The following HPF1 variants were observed in gnomAD, a reference collection of about 807,000 sequenced individuals.
The protein encoded by HPF1 is UPF0609 protein C4orf27.
A neutral mutation model predicts 38.8 loss-of-function variants in HPF1; 35 were observed. The observed-to-expected ratio is 0.90, with a 90% CI of 0.69 to 1.19. The LOEUF (loss-of-function observed/expected upper bound fraction) is 1.19, where lower values mean the gene tolerates loss of function less well. HPF1 is among the 50% of genes most tolerant of loss of function. The pLI, the probability that HPF1 is intolerant of heterozygous loss-of-function variation, is 0.00. For missense variants in HPF1, 367 were observed against 405.8 expected, an observed-to-expected ratio of 0.90 and a Z score of 0.82; for synonymous variants, 115 against 139.2, an observed-to-expected ratio of 0.83 and a Z score of 1.22.
intron 4 of HPF1, among the ~76,000 whole-genome samples, chr4:169,746,338 T>A (rs1443562897): frequency 6.6e-6 from 1 of 152,210 alleles, no homozygotes; most frequent in East Asian, 1.9e-4. Context: ...GGTATAAATG[T>A]GTACTTCACA....
intron 4 of HPF1, among the ~76,000 whole-genome samples, chr4:169,746,486 T>C (rs1734048762): frequency 6.6e-6 from 1 of 152,170 alleles, no homozygotes; most frequent in Admixed American, 6.5e-5. Context: ...TAAGGGTTCT[T>C]ATACCCTAAC....
In HPF1 at chr4:169,743,409, C is replaced by CTTTT. The variant is rs34941625; in HGVS notation, c.498-1306_498-1303dup. On this transcript the variant is annotated intron_variant, in intron 4 of 7. Coordinates refer to ENST00000393381, the MANE Select transcript of HPF1 (RefSeq NM_017867.3). ...ACAGGCGTGAGCCACTGCCCCTGGC[C>CTTTT]TTTTTTTTTTTTTTTTTTTTTTTTT... 4.1e-3 allele frequency among the ~76,000 whole-genome samples: 285 copies of CTTTT among 69,714 alleles called. 10 individuals carry two copies. The highest frequency in any genetic ancestry group is 0.018 in the African/African-American group (273 of 15,406). The allele number at this position is 69,714 out of a possible 152,430, so 45.7% of individuals were successfully genotyped here. A position where few individuals can be genotyped will look rare whatever the true frequency, so the allele number is the denominator to read the frequency against.
chr4:169,751,191 A>G (rs1446536465), intron 2 of HPF1, among the ~76,000 whole-genome samples: 1 of 152,086 alleles, frequency 6.6e-6, no homozygotes, highest in Non-Finnish European at 1.5e-5. Flanking sequence ...TGATCACCTG[A>G]GGTCAGGAGG....
At chr4:169,742,550 T>C (rs987370933) in intron 4 of HPF1, among the ~76,000 whole-genome samples, 3 of 152,298 alleles carry the variant, frequency 2.0e-5, no homozygotes, top group Admixed American at 6.5e-5. Flanking sequence ...CCCAGCACTT[T>C]GGGAGGCCAA....
chr4:169,736,515 C>A (rs1542873), intron 6 of HPF1, among the ~76,000 whole-genome samples: 6,349 of 152,218 alleles, frequency 0.042, 142 homozygotes, highest in African/African-American at 0.061. Flanking sequence ...ACAGCAAAAA[C>A]AGGTCCGTAT....
chr4:169,754,157 C>A (rs1359417788), intron 1 of HPF1, among the ~76,000 whole-genome samples: 1 of 152,180 alleles, frequency 6.6e-6, no homozygotes, highest in African/African-American at 2.4e-5. Context: ...ATTTTGCCCT[C>A]TTTTGGTTAA....
chr4:169,754,481 C>T (rs1476536059), intron 1 of HPF1, among the ~76,000 whole-genome samples: 1 of 152,070 alleles, frequency 6.6e-6, no homozygotes, highest in African/African-American at 2.4e-5. Context: ...AGTTATAATA[C>T]TCATCTCTAG....
At chr4:169,737,633 G>A in intron 6 of HPF1, 27 bp downstream of exon 6, 1 of 1,342,894 alleles carries the variant, frequency 7.4e-7, no homozygotes, top group Non-Finnish European at 1.1e-6. Flanking sequence ...TAACATATAT[G>A]CACATGTTTA....
chr4:169,732,977 G>A (rs1379017232), intron 6 of HPF1, among the ~76,000 whole-genome samples: 2 of 152,120 alleles, frequency 1.3e-5, no homozygotes, highest in Admixed American at 6.6e-5. Context: ...CTGATACTAA[G>A]ACAACTGGAT....
chr4:169,737,827 A>C, intron 5 of HPF1, 80 bp from the exon 6 acceptor site: 1 of 860,852 alleles, frequency 1.2e-6, no homozygotes, highest in Non-Finnish European at 1.9e-6. Flanking sequence ...TAAACCCTCA[A>C]CATTTCTGCC....
At chr4:169,748,688 T>C in intron 4 of HPF1, 56 bp downstream of exon 4, 1 of 836,442 alleles carries the variant, frequency 1.2e-6, no homozygotes, top group Non-Finnish European at 1.9e-6. Flanking sequence ...ACCCCCTTTG[T>C]AATGGACTAA....
At chr4:169,757,149 C>T (rs1734197730) in intron 1 of HPF1, among the ~76,000 whole-genome samples, 1 of 152,066 alleles carries the variant, frequency 6.6e-6, no homozygotes, top group African/African-American at 2.4e-5. Flanking sequence ...AATGCACACA[C>T]TCTCTCCTCC....
chr4:169,733,640 T>C (rs777710579), intron 6 of HPF1, among the ~76,000 whole-genome samples: 1 of 152,246 alleles, frequency 6.6e-6, no homozygotes, highest in Non-Finnish European at 1.5e-5. Context: ...CCTGTAATCC[T>C]AGTGGGAGGA....
rs770881068 is a variant in HPF1 at position 169,757,857 on chromosome 4, C to G, written c.21G>C (p.Lys7Asn). 4.5e-6 allele frequency: 7 copies of G among 1,564,592 alleles called. No individual in the cohort carries two copies. The highest frequency in any genetic ancestry group is 6.0e-6 in the Non-Finnish European group (7 of 1,162,330). The change falls in exon 1 of 8, where the codon AAG becomes AAC. Residue 7 changes from lysine to asparagine, a missense_variant. Lys to Asn is a moderately conservative substitution (Grantham distance 94). Transcript: ENST00000393381. MVGGGGKRRPGGEGPQC... is the reference protein window; with the variant it reads MVGGGGNRRPGGEGPQC... Reference sequence around the variant, plus strand: ...GCGGCCCCTCTCCGCCGGGCCTGCGCTTCCCGCCACCGCCGACCATTCTGC... The same window carrying G: ...GCGGCCCCTCTCCGCCGGGCCTGCGGTTCCCGCCACCGCCGACCATTCTGC...
At chr4:169,732,849 AT>A (rs1733847831) in intron 6 of HPF1, among the ~76,000 whole-genome samples, 1 of 152,226 alleles carries the variant, frequency 6.6e-6, no homozygotes, top group Non-Finnish European at 1.5e-5. Context: ...TATATTAGGT[AT>A]TCTAAGTAAT....
Position 169,757,922 on chromosome 4 carries a change from TC to T in HPF1, c.-46del, listed in dbSNP as rs1734213745. 1 of 1,527,062 alleles carries T rather than the reference TC, an allele frequency of 6.5e-7. No individual in the cohort carries two copies. Among genetic ancestry groups the T allele is most frequent in the Non-Finnish European group, 8.8e-7 (1 of 1,138,544 alleles). 94.6% of individuals were successfully genotyped at this position (1,527,062 alleles called of 1,614,324 possible). A position where few individuals can be genotyped will look rare whatever the true frequency, so the allele number is the denominator to read the frequency against. ...CAGAATTCCCCGATCCGCGGCCGCT[TC>T]CGAGCGCCGCCAACCGCTTCCGGGT... On this transcript the variant is annotated 5_prime_UTR_variant, in exon 1 of 8. Transcript: ENST00000393381.
intron 7 of HPF1, among the ~76,000 whole-genome samples, chr4:169,730,337 T>C (rs1348381759): frequency 1.3e-5 from 2 of 152,248 alleles, no homozygotes; most frequent in South Asian, 2.1e-4. Context: ...ACAAGCAAGT[T>C]TGCTATTCAC....
Position 169,746,985 on chromosome 4 carries a change from CTT to C in HPF1, c.497+1757_497+1758del, listed in dbSNP as rs372582807. Among the ~76,000 whole-genome samples, 844 of 48,188 alleles carry C rather than the reference CTT, an allele frequency of 0.018. 17 individuals are homozygous for C. In the East Asian group the frequency reaches 0.18, roughly 11 times the overall value. The allele number at this position is 48,188 out of a possible 152,430, so 31.6% of individuals were successfully genotyped here. A position where few individuals can be genotyped will look rare whatever the true frequency, so the allele number is the denominator to read the frequency against. ...TGTTACATGACCACTATTATGTTATCTTTTTTTAAAAAAAAAAAAAAACATGA... is the reference window on the plus strand; with the variant it reads ...TGTTACATGACCACTATTATGTTATCTTTTTAAAAAAAAAAAAAAACATGA... On this transcript the variant is annotated intron_variant, in intron 4 of 7. Transcript: ENST00000393381.
chr4:169,753,486 T>C (rs560425861), intron 2 of HPF1, among the ~76,000 whole-genome samples, 190 bp downstream of exon 2: 2 of 152,310 alleles, frequency 1.3e-5, no homozygotes, highest in East Asian at 1.9e-4. Context: ...CAACCACGTC[T>C]AGTTTTTTGT....
Sources: gnomAD v4.1 joint callset for allele counts (sites outside exome capture counted in the v4.1 genomes callset) on GRCh38, gnomAD v4.1.1 for gene constraint, MANE v1.5 for transcripts, NCBI Gene and HGNC (gene_info 2026-07-23, HGNC 2026-07-21) for gene names.